The following MAPK4 variants were observed in gnomAD, a reference collection of about 807,000 sequenced individuals.
MAPK4 encodes the protein mitogen-activated protein kinase 4.
In MAPK4, 22 loss-of-function variants were observed where a neutral mutation model predicts 47.7. That is an observed-to-expected ratio of 0.46 (90% CI 0.33 to 0.66). The LOEUF (loss-of-function observed/expected upper bound fraction) is 0.66, where lower values mean the gene tolerates loss of function less well. MAPK4 is among the 30% of genes least tolerant of loss of function. The pLI is 0.02. For synonymous variants in MAPK4, 390 were observed against 365.7 expected (o/e 1.07, Z -0.76); for missense variants, 736 against 831.7 (o/e 0.88, Z 1.42).
chr18:50,597,245 C>T (rs999277947), intron 1 of MAPK4, among the ~76,000 whole-genome samples: 1 of 152,214 alleles, frequency 6.6e-6, no homozygotes, highest in African/African-American at 2.4e-5. Context: ...ATGTCACAAA[C>T]CCACAGGAAA....
intron 1 of MAPK4, among the ~76,000 whole-genome samples, chr18:50,625,416 T>A (rs1016856736): frequency 2.0e-5 from 3 of 152,224 alleles, no homozygotes; most frequent in Non-Finnish European, 4.4e-5. Context: ...CTCAGCATCA[T>A]TCTTTGAGAG....
intron 1 of MAPK4, among the ~76,000 whole-genome samples, chr18:50,574,364 A>T (rs1598786344): frequency 1.3e-5 from 2 of 152,220 alleles, no homozygotes; most frequent in African/African-American, 4.8e-5. Flanking sequence ...TTTCTACAAG[A>T]CTAATGTCAT....
chr18:50,622,781 T>C (rs967347500), intron 1 of MAPK4, among the ~76,000 whole-genome samples: 1 of 152,224 alleles, frequency 6.6e-6, no homozygotes, highest in African/African-American at 2.4e-5. Context: ...TTGTGAATGA[T>C]TGTATAGCAG....
At chr18:50,590,655 T>C (rs2042429287) in intron 1 of MAPK4, among the ~76,000 whole-genome samples, 1 of 152,242 alleles carries the variant, frequency 6.6e-6, no homozygotes. Context: ...ATGTTATATA[T>C]ATGCAAAAAT....
rs943420702 is a variant in MAPK4 at position 50,664,180 on chromosome 18, C to T, written c.222C>T (p.His74=). The T allele has an allele frequency of 5.6e-6, 9 of 1,614,006 alleles. No individual in the cohort carries two copies. Among genetic ancestry groups the T allele is most frequent in the Admixed American group, 3.3e-5 (2 of 59,996 alleles). The part of the protein sequence containing the change: ...REIKIIRRLD[H]DNIVKVYEVL... ...TCAAGATCATTCGGCGCCTGGACCA[C>T]GACAACATCGTCAAAGTGTACGAGG... is the stretch of plus-strand genomic sequence containing the variant. Residue 74 remains histidine (H), a synonymous_variant, in exon 2 of 6, where the codon CAC becomes CAT. Coordinates refer to ENST00000400384, the MANE Select transcript of MAPK4 (RefSeq NM_002747.4). This position sits in a 1 kb window ranked among gnomAD's most constrained non-coding sequence, Gnocchi z 6.0.
chr18:50,706,018 C>T (rs1910034012), intron 2 of MAPK4: 1 of 152,174 alleles, frequency 6.6e-6, no homozygotes, highest in African/African-American at 2.4e-5. Context: ...CTCAAGTTAG[C>T]CCCATCTCTC....
At chr18:50,575,331 T>G (rs1411776963) in intron 1 of MAPK4, among the ~76,000 whole-genome samples, 1 of 152,186 alleles carries the variant, frequency 6.6e-6, no homozygotes, top group Non-Finnish European at 1.5e-5. Flanking sequence ...TAAATTTCTG[T>G]TCTTTATAAA....
chr18:50,599,907 A>G (rs914877502), intron 1 of MAPK4, among the ~76,000 whole-genome samples: 1 of 152,168 alleles, frequency 6.6e-6, no homozygotes, highest in East Asian at 1.9e-4. Flanking sequence ...ATTTTAATCT[A>G]TATGTTATAT....
chr18:50,649,252 A>G (rs1373909016), intron 1 of MAPK4, among the ~76,000 whole-genome samples: 1 of 152,022 alleles, frequency 6.6e-6, no homozygotes, highest in Non-Finnish European at 1.5e-5. Context: ...CTGTCTACCC[A>G]CTCCCACACT....
In MAPK4 at chr18:50,700,459, C is replaced by T. The variant is rs187998665; in HGVS notation, c.547-14620C>T. 3.9e-5 allele frequency among the ~76,000 whole-genome samples: 6 copies of T among 152,340 alleles called. No homozygotes were observed. In the East Asian group the frequency reaches 1.2e-3, roughly 29 times the overall value. ...AATTAGCTACAGGTGCACACATCAA[C>T]TGTTGCATATATTTCAGTTTTGCAA... On this transcript the variant is annotated intron_variant, in intron 2 of 5. Transcript: ENST00000400384.
chr18:50,642,090 G>A (rs1232200575), intron 1 of MAPK4, among the ~76,000 whole-genome samples: 1 of 152,146 alleles, frequency 6.6e-6, no homozygotes, highest in Non-Finnish European at 1.5e-5. Context: ...TTTAGTAAAA[G>A]TCAGGGGATT....
intron 4 of MAPK4, among the ~76,000 whole-genome samples, chr18:50,723,129 T>A (rs10853597): frequency 0.99 from 151,354 of 152,304 alleles, 75,208 homozygotes; most frequent in Middle Eastern, 1. Context: ...TTTACTTCAC[T>A]TCCAGGCAGA....
At chr18:50,636,749 T>C (rs1424269858) in intron 1 of MAPK4, among the ~76,000 whole-genome samples, 1 of 152,258 alleles carries the variant, frequency 6.6e-6, no homozygotes, top group Non-Finnish European at 1.5e-5. Flanking sequence ...GTGTACATCC[T>C]TGATTCCTTC....
At chr18:50,638,230 C>T (rs2144173529) in intron 1 of MAPK4, among the ~76,000 whole-genome samples, 1 of 152,324 alleles carries the variant, frequency 6.6e-6, no homozygotes, top group East Asian at 1.9e-4. Flanking sequence ...ATCTCTGCCT[C>T]ATTTTAGATT....
chr18:50,562,243 A>G (rs1026478726), intron 1 of MAPK4, among the ~76,000 whole-genome samples: 25 of 152,282 alleles, frequency 1.6e-4, no homozygotes, highest in Admixed American at 6.5e-5. Flanking sequence ...GCTTTAACTC[A>G]ATTACTCCAG....
chr18:50,586,710 C>G (rs1173629823), intron 1 of MAPK4, among the ~76,000 whole-genome samples: 1 of 151,988 alleles, frequency 6.6e-6, no homozygotes, highest in African/African-American at 2.4e-5. Context: ...TATTTGTTTT[C>G]TTTCTATTGT....
At chr18:50,715,845 C>T (rs565766239) in intron 3 of MAPK4, among the ~76,000 whole-genome samples, 120 of 152,344 alleles carry the variant, frequency 7.9e-4, no homozygotes, top group South Asian at 3.1e-3. Flanking sequence ...CATCTTGAGA[C>T]TGATGGCTGC....
intron 1 of MAPK4, among the ~76,000 whole-genome samples, chr18:50,614,032 A>G (rs2042662484): frequency 1.3e-5 from 2 of 152,226 alleles, no homozygotes; most frequent in South Asian, 4.1e-4. Context: ...ACATGTGGAA[A>G]GCTATGGTCT....
intron 1 of MAPK4, among the ~76,000 whole-genome samples, chr18:50,652,852 C>G (rs2043065414): frequency 6.6e-6 from 1 of 152,008 alleles, no homozygotes; most frequent in African/African-American, 2.4e-5. Flanking sequence ...GGAAGGCTTC[C>G]TGGAGGAAGG....
Sources: gnomAD v4.1 joint callset for allele counts (sites outside exome capture counted in the v4.1 genomes callset) on GRCh38, gnomAD v4.1.1 for gene constraint, Gnocchi (gnomAD v3.1) non-coding constraint, MANE v1.5 for transcripts, NCBI Gene and HGNC (gene_info 2026-07-23, HGNC 2026-07-21) for gene names.